Variants in PLEKHG7 observed in about 807,000 individuals in gnomAD.
The protein encoded by PLEKHG7 is pleckstrin homology domain-containing family G member 7.
A neutral mutation model predicts 85.2 loss-of-function variants in PLEKHG7; 77 were observed. That is an observed-to-expected ratio of 0.90 (90% confidence interval 0.75 to 1.09). The LOEUF (loss-of-function observed/expected upper bound fraction) is 1.09. Among genes scored for constraint, PLEKHG7 ranks in the 50% least tolerant of loss-of-function variants. The pLI is 0.00. For missense variants in PLEKHG7, 777 were observed against 804.3 expected, an observed-to-expected ratio of 0.97 and a Z score of 0.41; for synonymous variants, 301 against 302.4, an observed-to-expected ratio of 1.00 and a Z score of 0.05.
At chr12:92,721,202 T>C (rs1020495027) in intron 3 of PLEKHG7, among the ~76,000 whole-genome samples, 3 of 152,218 alleles carry the variant, frequency 2.0e-5, no homozygotes, top group Non-Finnish European at 2.9e-5. Flanking sequence ...GATCAGTCTA[T>C]TGCTTACAAA....
At chr12:92,762,402 A>G (rs1446867990) in intron 14 of PLEKHG7, among the ~76,000 whole-genome samples, 1 of 152,236 alleles carries the variant, frequency 6.6e-6, no homozygotes, top group Non-Finnish European at 1.5e-5. Context: ...CCAAACATGT[A>G]TGTAGCATCA....
intron 6 of PLEKHG7, 90 bp downstream of exon 6, chr12:92,736,667 C>A: frequency 1.4e-6 from 1 of 734,570 alleles, no homozygotes; most frequent in Non-Finnish European, 1.9e-6. Context: ...TTTAAGCTGC[C>A]AGATTACTGC....
At chr12:92,709,134 G>A (rs541725676) in intron 3 of PLEKHG7, among the ~76,000 whole-genome samples, 1 of 152,308 alleles carries the variant, frequency 6.6e-6, no homozygotes, top group South Asian at 2.1e-4. Flanking sequence ...AGATATACCT[G>A]GGATTTAGAT....
chr12:92,770,212 G>A lies in PLEKHG7; in HGVS notation c.*17G>A, dbSNP rs758585750. 2 of 1,509,654 alleles carry A rather than the reference G, an allele frequency of 1.3e-6. No individual in the cohort carries two copies. The highest frequency in any genetic ancestry group is 1.8e-6 in the Non-Finnish European group (2 of 1,096,680). The allele number at this position is 1,509,654 out of a possible 1,614,324, so 93.5% of individuals were successfully genotyped here. ...GAAATTTAGGGACCTAAAACAAGTG[G>A]CATGTCTTTTTAGAAGATTATGGTT... On this transcript the variant is annotated 3_prime_UTR_variant, in exon 17 of 17. Transcript: ENST00000344636.
intron 3 of PLEKHG7, chr12:92,721,666 C>A: frequency 3.5e-6 from 1 of 288,862 alleles, no homozygotes; most frequent in Non-Finnish European, 5.2e-6. Context: ...CAAAGCTTGT[C>A]CTGAAGCAAA....
chr12:92,704,907 G>A (rs1010517294), intron 1 of PLEKHG7, among the ~76,000 whole-genome samples: 3 of 152,164 alleles, frequency 2.0e-5, no homozygotes, highest in Non-Finnish European at 4.4e-5. Context: ...GTAAGAGTCA[G>A]GGAGTAAAAT....
rs1872509931 is a variant in PLEKHG7 at position 92,745,491 on chromosome 12, G to A, written c.1151G>A (p.Ser384Asn). The stretch of plus-strand genomic sequence containing the variant: ...CCTTTCTTGCAGTATTTCCGAGGGA[G>A]TCTCTGTCAGAGCCACCAGACCTAC... ...ISVLTKYFRG[S>N]LCQSHQTYCL... is the part of the protein sequence containing the mutation. Residue 384 changes from serine (S) to asparagine (N), a missense_variant, in exon 10 of 17, where the codon AGT (serine) becomes AAT (asparagine). This residue lies in a region of PLEKHG7 where 520 missense variants were observed against 544.0 expected (regional missense o/e 0.96). Transcript: ENST00000344636. The A allele has an allele frequency of 6.2e-7, 1 of 1,612,288 alleles. No homozygotes were observed. The highest frequency in any genetic ancestry group is 1.3e-5 in the African/African-American group (1 of 74,884).
At chr12:92,703,862 T>A (rs1871155177) in intron 1 of PLEKHG7, among the ~76,000 whole-genome samples, 1 of 152,110 alleles carries the variant, frequency 6.6e-6, no homozygotes, top group Non-Finnish European at 1.5e-5. Context: ...CACCCCTGTG[T>A]CTGAACGACT....
chr12:92,707,333 G>A (rs2136568079), intron 2 of PLEKHG7, 195 bp downstream of exon 2: 1 of 1,429,660 alleles, frequency 7.0e-7, no homozygotes, highest in East Asian at 2.5e-5. Flanking sequence ...GGGGAGGAAA[G>A]AAAATGATCT....
intron 4 of PLEKHG7, among the ~76,000 whole-genome samples, chr12:92,731,830 G>A (rs549185380): frequency 2.6e-5 from 4 of 152,270 alleles, no homozygotes; most frequent in South Asian, 4.1e-4. Context: ...TGTGATGGGG[G>A]CGTTCTGGAA....
chr12:92,765,030 C>G (rs1873150952), intron 15 of PLEKHG7, among the ~76,000 whole-genome samples: 1 of 152,110 alleles, frequency 6.6e-6, no homozygotes, highest in Non-Finnish European at 1.5e-5. Flanking sequence ...AGAGAAAGCG[C>G]TCACCATCCC....
chr12:92,720,887 A>G lies in PLEKHG7; in HGVS notation c.531-8106A>G, dbSNP rs12304061. Among the ~76,000 whole-genome samples, 270 of 152,286 alleles carry G rather than the reference A, an allele frequency of 1.8e-3. 2 individuals are homozygous for G. The highest frequency in any genetic ancestry group is 6.4e-3 in the African/African-American group (265 of 41,548). ...ATTTTAAAAGTTTTGTAGTGCATTAAAATAGTTGGTAGTCTCTTTTTCTCT... is the reference window on the plus strand; with the variant it reads ...ATTTTAAAAGTTTTGTAGTGCATTAGAATAGTTGGTAGTCTCTTTTTCTCT... On this transcript the variant is annotated intron_variant, in intron 3 of 16. Transcript: ENST00000344636.
chr12:92,745,298 G>T lies in PLEKHG7; in HGVS notation c.1138-180G>T, dbSNP rs78829944. ...ATGAGAGTACGATATTCTGTTAAAA[G>T]AATGTTTATGTGGAGATTACCTTTG... On this transcript the variant is annotated intron_variant, in intron 9 of 16. Coordinates refer to ENST00000344636, the MANE Select transcript of PLEKHG7 (RefSeq NM_001377329.1). Among the ~76,000 whole-genome samples, 180 of 149,764 alleles carry T rather than the reference G, an allele frequency of 1.2e-3. 1 individual carries two copies. The highest frequency in any genetic ancestry group is 4.2e-3 in the African/African-American group (165 of 39,180).
At chr12:92,765,284 T>G (rs1239651818) in intron 15 of PLEKHG7, among the ~76,000 whole-genome samples, 5 of 150,560 alleles carry the variant, frequency 3.3e-5, no homozygotes, top group Admixed American at 1.3e-4. Flanking sequence ...GCCAGGAGTT[T>G]GAGACCAGCC....
intron 10 of PLEKHG7, among the ~76,000 whole-genome samples, chr12:92,750,618 A>G (rs1258109329): frequency 6.6e-6 from 1 of 152,182 alleles, no homozygotes; most frequent in African/African-American, 2.4e-5. Context: ...ACTGCTGCTG[A>G]GAAATCAGTT....
chr12:92,736,669 G>A (rs749662236), intron 6 of PLEKHG7, 92 bp downstream of exon 6: 129 of 726,876 alleles, frequency 1.8e-4, no homozygotes, highest in Non-Finnish European at 2.3e-4. Flanking sequence ...TAAGCTGCCA[G>A]ATTACTGCCT....
chr12:92,746,345 A>G (rs1214134838), intron 10 of PLEKHG7, among the ~76,000 whole-genome samples: 1 of 152,220 alleles, frequency 6.6e-6, no homozygotes. Context: ...CTTGGGAGGA[A>G]AGGCTCCCAT....
chr12:92,755,683 G>A (rs568488673), intron 11 of PLEKHG7, 142 bp from the exon 12 acceptor site: 5 of 649,076 alleles, frequency 7.7e-6, no homozygotes, highest in Non-Finnish European at 1.4e-5. Flanking sequence ...TGAACAGCAA[G>A]CAATATGTGA....
intron 3 of PLEKHG7, among the ~76,000 whole-genome samples, chr12:92,721,766 A>G (rs1162264037): frequency 6.6e-6 from 1 of 150,966 alleles, no homozygotes; most frequent in Non-Finnish European, 1.5e-5. Flanking sequence ...GTATTTTTCT[A>G]AACAAATAAA....
Sources: gnomAD v4.1 joint callset for allele counts (sites outside exome capture counted in the v4.1 genomes callset) on GRCh38, gnomAD v4.1.1 for gene constraint, gnomAD v4.1.1 regional missense constraint, MANE v1.5 for transcripts, NCBI Gene and HGNC (gene_info 2026-07-23, HGNC 2026-07-21) for gene names.